Variants in CACNA1A observed in about 807,000 individuals in gnomAD.
CACNA1A encodes calcium voltage-gated channel subunit alpha1 A.
A neutral mutation model predicts 262.4 loss-of-function variants in CACNA1A; 57 were observed. That is an observed-to-expected ratio of 0.22 (90% CI 0.18 to 0.27). The LOEUF (loss-of-function observed/expected upper bound fraction) is 0.27, where lower values mean the gene tolerates loss of function less well. Among genes scored for constraint, CACNA1A ranks in the 10% least tolerant of loss-of-function variants. The pLI is 1.00. For synonymous variants in CACNA1A, 1,431 were observed against 1,419.3 expected (o/e 1.01, Z -0.18); for missense variants, 2,526 against 3,562.8 (o/e 0.71, Z 7.41).
chr19:13,276,166 C>G (rs1438871101), intron 23 of CACNA1A, among the ~76,000 whole-genome samples: 1 of 152,196 alleles, frequency 6.6e-6, no homozygotes, highest in Non-Finnish European at 1.5e-5. Context: ...GAAGCCAGCT[C>G]TGGCTTGCCG....
Position 13,207,832 on chromosome 19 carries a change from G to A in CACNA1A, c.7002C>T (p.Ala2334=), listed in dbSNP as rs1057521445. The A allele has an allele frequency of 6.8e-7, 1 of 1,465,220 alleles. No homozygotes were observed. Among genetic ancestry groups the A allele is most frequent in the Non-Finnish European group, 9.0e-7 (1 of 1,115,246 alleles). 90.8% of individuals were successfully genotyped at this position (1,465,220 alleles called of 1,614,324 possible). A position where few individuals can be genotyped will look rare whatever the true frequency, so the allele number is the denominator to read the frequency against. ...QQAVARPGRA[A]TSGPRRYPGP... is the part of the protein sequence containing the mutation. ...CTGGGTACCTCCGAGGGCCGCTGGT[G>A]GCCGCCCGGCCCGGCCTGGCCACCG... Residue 2334 remains alanine (A), a synonymous_variant, in exon 47 of 47, where the codon GCC becomes GCT. Transcript: ENST00000360228. The surrounding 1 kb of genome is among the most constrained non-coding windows in gnomAD (Gnocchi z 5.7).
At position 13,309,509 on chromosome 19, in the gene CACNA1A, A is replaced by G. The variant is rs574341165; in HGVS notation, c.1669-981T>C. On this transcript the variant is annotated intron_variant, in intron 12 of 46. Coordinates refer to ENST00000360228, the MANE Select transcript of CACNA1A (RefSeq NM_001127222.2). Reference sequence around the variant, plus strand: ...GGAGTTCAAGACCAGCCTGGGTAACACAGGGAAACCCTGACTTTACAAAAA... The same window carrying G: ...GGAGTTCAAGACCAGCCTGGGTAACGCAGGGAAACCCTGACTTTACAAAAA... Among the ~76,000 whole-genome samples the G allele has an allele frequency of 5.3e-5, 8 of 149,708 alleles. No homozygotes were observed. The East Asian group carries it at 1.6e-3, about 31-fold the overall frequency.
intron 29 of CACNA1A, among the ~76,000 whole-genome samples, chr19:13,254,299 C>T (rs542318275): frequency 1.3e-4 from 19 of 151,876 alleles, no homozygotes; most frequent in African/African-American, 4.3e-4. Flanking sequence ...TTTTGGAAGC[C>T]GCTCCTTAGC....
chr19:13,286,379 C>T (rs2057399913), intron 20 of CACNA1A, 124 bp downstream of exon 20: 2 of 489,180 alleles, frequency 4.1e-6, no homozygotes, highest in Admixed American at 3.8e-5. Flanking sequence ...CGCCTATGCC[C>T]ATTTTCCAGG....
intron 38 of CACNA1A, among the ~76,000 whole-genome samples, chr19:13,219,959 A>AT (rs1177024860): frequency 1.2e-5 from 1 of 81,230 alleles, no homozygotes; most frequent in Non-Finnish European, 2.4e-5. Flanking sequence ...CAAAAAAAAA[A>AT]AAAAAAAGAA....
chr19:13,415,743 T>TAAAAAAAAAAAAAAAAAA lies in CACNA1A; in HGVS notation c.539+37115_539+37132dup, dbSNP rs71170510. 4.3e-3 allele frequency among the ~76,000 whole-genome samples: 183 copies of TAAAAAAAAAAAAAAAAAA among 42,510 alleles called. 15 individuals carry two copies. Among genetic ancestry groups the TAAAAAAAAAAAAAAAAAA allele is most frequent in the Non-Finnish European group, 5.7e-3 (134 of 23,328 alleles). The allele number at this position is 42,510 out of a possible 152,430, so 27.9% of individuals were successfully genotyped here. The stretch of plus-strand genomic sequence containing the variant: ...CAACAGAGCGAGACTCTGTCTCAAT[T>TAAAAAAAAAAAAAAAAAA]AAAAAAAAAAAAAAAAAAAAAAAAA... On this transcript the variant is annotated intron_variant, in intron 3 of 46. Transcript: ENST00000360228.
intron 1 of CACNA1A, among the ~76,000 whole-genome samples, chr19:13,464,851 T>A (rs556098170): frequency 2.7e-4 from 41 of 151,812 alleles, no homozygotes; most frequent in African/African-American, 9.2e-4. Flanking sequence ...CCCGGCCAAC[T>A]TTTCCTATTT....
At position 13,365,314 on chromosome 19, in the gene CACNA1A, T is replaced by C; in HGVS notation, c.784+3A>G. 1.2e-6 allele frequency: 2 copies of C among 1,611,264 alleles called. No homozygotes were observed. Among genetic ancestry groups the C allele is most frequent in the Non-Finnish European group, 8.5e-7 (1 of 1,177,852 alleles). ...AAAGATGCATCATGCTCCGTGGACC[T>C]ACCTGTCCCCTCTTCAAAGCAGGTG... is the stretch of plus-strand genomic sequence containing the variant. On this transcript the variant is annotated splice_donor_region_variant and intron_variant, in intron 5 of 46. Coordinates refer to ENST00000360228, the MANE Select transcript of CACNA1A (RefSeq NM_001127222.2).
chr19:13,207,377 C>A lies in CACNA1A; in HGVS notation c.7457G>T (p.Arg2486Leu). The change falls in exon 47 of 47, where the codon CGC becomes CTC. Residue 2486 changes from arginine (R) to leucine (L), a missense_variant. By Grantham distance (102) the Arg-to-Leu change is moderately radical. Coordinates refer to ENST00000360228, the MANE Select transcript of CACNA1A (RefSeq NM_001127222.2). This position sits in a 1 kb window ranked among gnomAD's most constrained non-coding sequence, Gnocchi z 5.7. The part of the protein sequence containing the change: ...YYPAHGLARP[R>L]GPGSRKGLHE... Reference sequence around the variant, plus strand: ...CAGGCCCTTCCTGGAGCCCGGCCCGCGGGGCCTGGCCAGTCCGTGCGCCGG... The same window carrying A: ...CAGGCCCTTCCTGGAGCCCGGCCCGAGGGGCCTGGCCAGTCCGTGCGCCGG... 1 of 1,546,310 alleles carries A rather than the reference C, an allele frequency of 6.5e-7. No individual in the cohort carries two copies. The highest frequency in any genetic ancestry group is 1.9e-5 in the Admixed American group (1 of 52,928).
At chr19:13,488,386 TTTTC>T (rs1980298647) in intron 1 of CACNA1A, among the ~76,000 whole-genome samples, 2 of 138,492 alleles carry the variant, frequency 1.4e-5, no homozygotes, top group Non-Finnish European at 3.1e-5. Flanking sequence ...TTCCTTTTTC[TTTTC>T]TTTTTTTTTT....
In CACNA1A at chr19:13,488,390, C is replaced by CTTTTTTTTTTTTTT. The variant is rs34348281; in HGVS notation, c.293+17528_293+17541dup. On this transcript the variant is annotated intron_variant, in intron 1 of 46. Transcript: ENST00000360228. ...GCATCAGCATTTTCCTTTTTCTTTT[C>CTTTTTTTTTTTTTT]TTTTTTTTTTTTTTTTTTTTTTTTT... 3.1e-4 allele frequency among the ~76,000 whole-genome samples: 24 copies of CTTTTTTTTTTTTTT among 77,634 alleles called. 4 individuals are homozygous for CTTTTTTTTTTTTTT. Among genetic ancestry groups the CTTTTTTTTTTTTTT allele is most frequent in the African/African-American group, 1.2e-3 (20 of 16,656 alleles). 50.9% of individuals were successfully genotyped at this position (77,634 alleles called of 152,430 possible).
At chr19:13,225,364 CA>C in intron 37 of CACNA1A, 1 of 152,818 alleles carries the variant, frequency 6.5e-6, no homozygotes, top group East Asian at 1.9e-4. Flanking sequence ...ACAGCACAGA[CA>C]GGGGCGCATG....
At chr19:13,345,366 C>A (rs188999696) in intron 6 of CACNA1A, among the ~76,000 whole-genome samples, 2 of 152,084 alleles carry the variant, frequency 1.3e-5, no homozygotes, top group Non-Finnish European at 2.9e-5. Context: ...CACTTCACCC[C>A]TTCTCCGTAC....
intron 1 of CACNA1A, among the ~76,000 whole-genome samples, chr19:13,464,703 C>T (rs755525901): frequency 1.4e-4 from 21 of 151,610 alleles, no homozygotes; most frequent in South Asian, 1.2e-3. Flanking sequence ...CGCCTGCCAC[C>T]GCGCCCGGCT....
chr19:13,334,358 C>T lies in CACNA1A; in HGVS notation c.1198+20G>A, dbSNP rs2058519709. ...GGCCTGGGATCTCCATCCCTGGGCC[C>T]CAGGATGAAAGGGCCTCACCTGCTT... On this transcript the variant is annotated intron_variant, in intron 8 of 46. Transcript: ENST00000360228. 3 of 1,268,642 alleles carry T rather than the reference C, an allele frequency of 2.4e-6. No individual in the cohort carries two copies. The highest frequency in any genetic ancestry group is 2.4e-5 in the South Asian group (2 of 84,224). 78.6% of individuals were successfully genotyped at this position (1,268,642 alleles called of 1,614,324 possible).
At chr19:13,388,492 G>A (rs1258179906) in intron 3 of CACNA1A, among the ~76,000 whole-genome samples, 3 of 152,036 alleles carry the variant, frequency 2.0e-5, no homozygotes, top group Non-Finnish European at 2.9e-5. Context: ...CTGACCTTAA[G>A]TGATCCACCT....
intron 1 of CACNA1A, among the ~76,000 whole-genome samples, chr19:13,465,476 T>C (rs1187898527): frequency 6.6e-6 from 1 of 152,080 alleles, no homozygotes; most frequent in Non-Finnish European, 1.5e-5. Flanking sequence ...AGCATCAACT[T>C]TTTTGTTTTG....
rs1412482197 is a variant in CACNA1A, at chr19:13,488,647, G to A, written c.293+17285C>T. Reference sequence around the variant, plus strand: ...ACTTCTGACCTCAGGTGATCCACCCGCCTTGGCCTCTTAAAGTGCTGGGAT... The same window carrying A: ...ACTTCTGACCTCAGGTGATCCACCCACCTTGGCCTCTTAAAGTGCTGGGAT... On this transcript the variant is annotated intron_variant, in intron 1 of 46. Coordinates refer to ENST00000360228, the MANE Select transcript of CACNA1A (RefSeq NM_001127222.2). 3.9e-5 allele frequency among the ~76,000 whole-genome samples: 6 copies of A among 151,936 alleles called. No individual in the cohort carries two copies. The East Asian group carries it at 5.8e-4, about 15-fold the overall frequency.
chr19:13,231,716 C>T lies in CACNA1A; in HGVS notation c.5394G>A (p.Ser1798=), dbSNP rs201681631. The T allele has an allele frequency of 8.9e-5, 143 of 1,610,166 alleles. 1 individual carries two copies. The highest frequency in any genetic ancestry group is 2.4e-4 in the South Asian group (22 of 90,452). ...FYFVSFIFLC[S]FLMLNLFVAV... ...ACAGTGTCCACAGACTCACCAGAAA[C>T]GAGCAGAGGAAGATGAAGGAAACAA... Residue 1798 remains serine (S), a synonymous_variant, in exon 35 of 47, where the codon TCG becomes TCA. Transcript: ENST00000360228.
Sources: allele counts gnomAD v4.1 joint callset (sites outside exome capture counted in the v4.1 genomes callset), GRCh38; gene constraint gnomAD v4.1.1; non-coding constraint Gnocchi (gnomAD v3.1); transcripts MANE v1.5; gene names NCBI Gene and HGNC (gene_info 2026-07-23, HGNC 2026-07-21).